CDK13: variants seen among roughly 807,000 people sequenced by gnomAD.
CDK13 encodes the protein cyclin-dependent kinase 13.
A neutral mutation model predicts 137.6 loss-of-function variants in CDK13; 40 were observed. That is an observed-to-expected ratio of 0.29 (90% CI 0.23 to 0.38). The LOEUF (loss-of-function observed/expected upper bound fraction) is 0.38, where lower values mean the gene tolerates loss of function less well. Ranked by LOEUF, CDK13 falls within the 10% of genes least tolerant of loss-of-function variation. The pLI is 1.00. For missense variants in CDK13, 1,704 were observed against 1,951.8 expected, an observed-to-expected ratio of 0.87 and a Z score of 2.39; for synonymous variants, 869 against 760.1, an observed-to-expected ratio of 1.14 and a Z score of -2.36.
chr7:40,076,214 T>A (rs1786541349), intron 9 of CDK13, among the ~76,000 whole-genome samples: 1 of 152,124 alleles, frequency 6.6e-6, no homozygotes, highest in South Asian at 2.1e-4. Context: ...CATGGTTTCT[T>A]GGAAAAGTAT....
intron 5 of CDK13, among the ~76,000 whole-genome samples, chr7:40,018,621 T>A (rs1403039536): frequency 2.6e-5 from 4 of 152,188 alleles, no homozygotes; most frequent in African/African-American, 9.7e-5. Context: ...TGGATGGAAC[T>A]GGAGGCCATT....
chr7:39,996,978 A>AG (rs1274350869), intron 2 of CDK13, among the ~76,000 whole-genome samples: 5 of 128,870 alleles, frequency 3.9e-5, no homozygotes, highest in Non-Finnish European at 6.9e-5. Context: ...AAAAAAAAAG[A>AG]AAAAAAAAAA....
At chr7:40,000,762 A>G (rs1018560132) in intron 4 of CDK13, among the ~76,000 whole-genome samples, 24 of 152,252 alleles carry the variant, frequency 1.6e-4, no homozygotes, top group Non-Finnish European at 1.2e-4. Context: ...AAAAATTAAT[A>G]GAATAAGTTT....
At chr7:39,962,583 G>A (rs1481828372) in intron 1 of CDK13, among the ~76,000 whole-genome samples, 2 of 152,094 alleles carry the variant, frequency 1.3e-5, no homozygotes, top group African/African-American at 2.4e-5. Flanking sequence ...TTTGTAGGTT[G>A]CCTGTTCACT....
chr7:39,978,928 T>A lies in CDK13; in HGVS notation c.1212-8671T>A, dbSNP rs975506654. ...TGGATGAAGGCACAGGAAATACAGA[T>A]TAAATTTGCAGGCAAGAGACATGCC... On this transcript the variant is annotated intron_variant, in intron 1 of 13. Transcript: ENST00000181839. Among the ~76,000 whole-genome samples the A allele has an allele frequency of 9.2e-5, 14 of 152,292 alleles. 1 individual carries two copies. The highest frequency in any genetic ancestry group is 2.4e-5 in the African/African-American group (1 of 41,562).
chr7:39,960,291 G>T (rs1487299518), intron 1 of CDK13, among the ~76,000 whole-genome samples: 1 of 151,714 alleles, frequency 6.6e-6, no homozygotes, highest in Non-Finnish European at 1.5e-5. Context: ...TGTCACCCAG[G>T]CTGGAGTGCA....
At chr7:40,004,111 A>G (rs1356999871) in intron 5 of CDK13, among the ~76,000 whole-genome samples, 2 of 152,150 alleles carry the variant, frequency 1.3e-5, no homozygotes, top group Non-Finnish European at 2.9e-5. Flanking sequence ...GAATGAATAT[A>G]TGAGCTCTAT....
chr7:40,016,279 C>T (rs138180653), intron 5 of CDK13, among the ~76,000 whole-genome samples: 245 of 152,230 alleles, frequency 1.6e-3, no homozygotes, highest in African/African-American at 4.4e-3. Flanking sequence ...GTTATGTCAA[C>T]GTGGGCAAAT....
At position 40,094,415 on chromosome 7, in the gene CDK13, C is replaced by T; in HGVS notation, c.3974C>T (p.Ala1325Val). The T allele has an allele frequency of 6.2e-7, 1 of 1,614,032 alleles. No individual in the cohort carries two copies. Among genetic ancestry groups the T allele is most frequent in the South Asian group, 1.1e-5 (1 of 91,082 alleles). The change falls in exon 14 of 14, where the codon GCA becomes GTA. Residue 1325 changes from alanine to valine, a missense_variant. Transcript: ENST00000181839. ...PKREGGIDYQ[A>V]GDTYVSTSDY... ...AGAGAAGGTGGGATTGATTATCAAG[C>T]AGGAGACACTTACGTGTCCACTTCA... is the stretch of plus-strand genomic sequence containing the variant.
intron 11 of CDK13, among the ~76,000 whole-genome samples, chr7:40,079,358 G>T (rs1000359067): frequency 1.3e-5 from 2 of 151,976 alleles, no homozygotes; most frequent in African/African-American, 2.4e-5. Flanking sequence ...GGCGGAGGTT[G>T]CAGTGAGCCA....
intron 1 of CDK13, among the ~76,000 whole-genome samples, chr7:39,987,395 A>T (rs572349973): frequency 6.6e-6 from 1 of 152,344 alleles, no homozygotes; most frequent in East Asian, 1.9e-4. Flanking sequence ...GAGCGAGATC[A>T]GGGCAATCCA....
intron 2 of CDK13, among the ~76,000 whole-genome samples, chr7:39,994,187 G>A (rs1784516519): frequency 2.0e-5 from 3 of 151,814 alleles, no homozygotes; most frequent in Non-Finnish European, 4.4e-5. Flanking sequence ...TTATATGAAT[G>A]TTTTCCATTT....
intron 5 of CDK13, among the ~76,000 whole-genome samples, chr7:40,009,741 G>A (rs1041602653): frequency 6.6e-6 from 1 of 152,084 alleles, no homozygotes; most frequent in Non-Finnish European, 1.5e-5. Flanking sequence ...CCAAATCCAG[G>A]GTACACTCAG....
chr7:39,984,362 G>C (rs1256522289), intron 1 of CDK13: 1 of 151,474 alleles, frequency 6.6e-6, no homozygotes, highest in East Asian at 1.9e-4. Context: ...GTGAGCTGTG[G>C]GTAGTATCTC....
chr7:40,068,707 G>GAAAAA (rs1158145409), intron 9 of CDK13, among the ~76,000 whole-genome samples: 7 of 47,080 alleles, frequency 1.5e-4, no homozygotes, highest in Admixed American at 3.0e-4. Flanking sequence ...CTATGTCTCA[G>GAAAAA]AAAAAAAAAA....
At chr7:40,078,987 C>T (rs1337551268) in intron 11 of CDK13, 136 bp downstream of exon 11, 1 of 247,778 alleles carries the variant, frequency 4.0e-6, no homozygotes, top group East Asian at 1.2e-4. Flanking sequence ...GATAAAACAG[C>T]AGTAATACAC....
chr7:40,061,570 T>C (rs550259942), intron 7 of CDK13: 1 of 152,316 alleles, frequency 6.6e-6, no homozygotes, highest in East Asian at 1.9e-4. Flanking sequence ...AAGCCAAGCT[T>C]AGGTAAATGG....
intron 1 of CDK13, among the ~76,000 whole-genome samples, chr7:39,953,363 CA>C (rs2116085084): frequency 6.6e-6 from 1 of 152,216 alleles, no homozygotes; most frequent in African/African-American, 2.4e-5. Context: ...GCAGTTTTTG[CA>C]GTTGAATTTG....
intron 1 of CDK13, among the ~76,000 whole-genome samples, chr7:39,979,216 CTTTTTTT>C (rs71560152): frequency 7.6e-6 from 1 of 130,888 alleles, no homozygotes; most frequent in South Asian, 2.5e-4. Context: ...TCTTTTTTTT[CTTTTTTT>C]TTTTTTTTTG....
Sources: allele counts gnomAD v4.1 joint callset (sites outside exome capture counted in the v4.1 genomes callset), GRCh38; gene constraint gnomAD v4.1.1; transcripts MANE v1.5; gene names NCBI Gene and HGNC (gene_info 2026-07-23, HGNC 2026-07-21).